Variants in FGF12 observed in about 807,000 individuals in gnomAD.
The protein encoded by FGF12 is fibroblast growth factor 12, also known as fibroblast growth factor 12B.
Under a neutral mutation model 23.6 loss-of-function variants are expected in FGF12, and 14 were observed. That is an observed-to-expected ratio of 0.59 (90% CI 0.39 to 0.93). The LOEUF (loss-of-function observed/expected upper bound fraction) is 0.93. Ranked by LOEUF, FGF12 falls within the 40% of genes least tolerant of loss-of-function variation. The pLI, the probability that FGF12 is intolerant of heterozygous loss-of-function variation, is 0.00. For synonymous variants in FGF12, 62 were observed against 77.3 expected (o/e 0.80, Z 1.04); for missense variants, 175 against 217.8 (o/e 0.80, Z 1.24).
At chr3:192,513,307 A>C (rs1442640969) in intron 2 of FGF12, among the ~76,000 whole-genome samples, 1 of 152,202 alleles carries the variant, frequency 6.6e-6, no homozygotes, top group Non-Finnish European at 1.5e-5. Flanking sequence ...TTTAGTACTT[A>C]CAAATATAAT....
At chr3:192,337,315 G>A (rs1375895370) in intron 3 of FGF12, among the ~76,000 whole-genome samples, 1 of 152,124 alleles carries the variant, frequency 6.6e-6, no homozygotes, top group Non-Finnish European at 1.5e-5. Flanking sequence ...GACACCTAAA[G>A]AAGCGGAAGT....
chr3:192,315,723 T>C (rs1191728210), intron 4 of FGF12, among the ~76,000 whole-genome samples: 1 of 152,176 alleles, frequency 6.6e-6, no homozygotes, highest in Non-Finnish European at 1.5e-5. Flanking sequence ...AAAGCAGAAC[T>C]AATAAAGACA....
At chr3:192,568,129 G>A (rs13099236) in intron 2 of FGF12, among the ~76,000 whole-genome samples, 78,364 of 151,810 alleles carry the variant, frequency 0.52, 20,900 homozygotes, top group South Asian at 0.7. Flanking sequence ...ACCATGCCCC[G>A]CCCTTTGCAT....
chr3:192,244,175 C>G (rs1719767373), intron 4 of FGF12, among the ~76,000 whole-genome samples: 2 of 152,072 alleles, frequency 1.3e-5, no homozygotes. Flanking sequence ...AGCAAACTTA[C>G]AAATATTCTG....
chr3:192,520,193 A>G (rs564349470), intron 2 of FGF12, among the ~76,000 whole-genome samples: 221 of 152,268 alleles, frequency 1.5e-3, no homozygotes, highest in African/African-American at 5.1e-3. Flanking sequence ...TTCTATCGGT[A>G]TATCTTTTTA....
chr3:192,197,946 C>CAAA (rs11328919), intron 4 of FGF12, among the ~76,000 whole-genome samples: 59 of 49,080 alleles, frequency 1.2e-3, no homozygotes, highest in East Asian at 3.2e-3. Context: ...AATTCCTCCT[C>CAAA]AAAAAAAAAA....
chr3:192,425,707 T>C (rs979332612), intron 2 of FGF12, among the ~76,000 whole-genome samples: 6 of 152,216 alleles, frequency 3.9e-5, no homozygotes, highest in African/African-American at 1.4e-4. Context: ...CTGTGGAATT[T>C]GTGCCTCATC....
At chr3:192,502,937 T>C (rs900831899) in intron 2 of FGF12, among the ~76,000 whole-genome samples, 24 of 152,246 alleles carry the variant, frequency 1.6e-4, no homozygotes, top group Non-Finnish European at 3.4e-4. Context: ...TTCTGCACTG[T>C]AATACACTTT....
chr3:192,513,271 G>C (rs1005590264), intron 2 of FGF12, among the ~76,000 whole-genome samples: 1 of 152,064 alleles, frequency 6.6e-6, no homozygotes, highest in Non-Finnish European at 1.5e-5. Context: ...AAGCCACTTC[G>C]TTTAGAATAT....
chr3:192,341,708 A>G (rs116818884), intron 3 of FGF12, among the ~76,000 whole-genome samples: 1,718 of 152,322 alleles, frequency 0.011, 28 homozygotes, highest in African/African-American at 0.039. Context: ...GAAAAACTAA[A>G]TAGATAATAT....
At chr3:192,273,051 G>A (rs1192217943) in intron 4 of FGF12, among the ~76,000 whole-genome samples, 1 of 152,190 alleles carries the variant, frequency 6.6e-6, no homozygotes, top group East Asian at 1.9e-4. Flanking sequence ...AGTGGATAGA[G>A]CCACACTTCC....
At chr3:192,152,742 TCA>T (rs1201286944) in intron 5 of FGF12, among the ~76,000 whole-genome samples, 5 of 112,210 alleles carry the variant, frequency 4.5e-5, no homozygotes, top group African/African-American at 1.4e-4. Context: ...AACTATGTGG[TCA>T]ATTTTGGAAT....
chr3:192,369,223 C>T (rs575590694), intron 2 of FGF12, among the ~76,000 whole-genome samples: 2 of 152,294 alleles, frequency 1.3e-5, no homozygotes, highest in East Asian at 1.9e-4. Flanking sequence ...ATATACCTGG[C>T]ATTTTCCTTT....
At chr3:192,324,053 CCGCATGCCAGCCT>C (rs1325558758) in intron 4 of FGF12, among the ~76,000 whole-genome samples, 1 of 152,078 alleles carries the variant, frequency 6.6e-6, no homozygotes, top group Non-Finnish European at 1.5e-5. Context: ...GATCAAGCCA[CCGCATGCCAGCCT>C]GGGCGACAGA....
intron 2 of FGF12, among the ~76,000 whole-genome samples, chr3:192,575,856 T>C (rs935833821): frequency 3.9e-5 from 6 of 152,196 alleles, no homozygotes; most frequent in African/African-American, 1.2e-4. Context: ...ACTTTATGAA[T>C]AGTTAATACA....
At chr3:192,485,631 A>G (rs1490248062) in intron 2 of FGF12, among the ~76,000 whole-genome samples, 1 of 152,154 alleles carries the variant, frequency 6.6e-6, no homozygotes, top group Admixed American at 6.6e-5. Context: ...TTTTAGTGAT[A>G]TCATTACATT....
intron 2 of FGF12, among the ~76,000 whole-genome samples, chr3:192,422,103 A>G (rs1721550194): frequency 6.6e-6 from 1 of 151,936 alleles, no homozygotes; most frequent in Admixed American, 6.6e-5. Flanking sequence ...GAAATCTTAG[A>G]TAACTGTTGG....
At chr3:192,383,819 T>C (rs886212021) in intron 2 of FGF12, among the ~76,000 whole-genome samples, 2 of 152,096 alleles carry the variant, frequency 1.3e-5, no homozygotes, top group Non-Finnish European at 2.9e-5. Context: ...ATATTTTCAG[T>C]TGGAGGCACC....
At chr3:192,393,434 A>G (rs1346729695) in intron 2 of FGF12, among the ~76,000 whole-genome samples, 1 of 152,054 alleles carries the variant, frequency 6.6e-6, no homozygotes, top group African/African-American at 2.4e-5. Context: ...CCTCTAACTG[A>G]CTGTTATGAC....
Sources: allele counts gnomAD v4.1 joint callset (sites outside exome capture counted in the v4.1 genomes callset), GRCh38; gene constraint gnomAD v4.1.1; transcripts MANE v1.5; gene names NCBI Gene and HGNC (gene_info 2026-07-23, HGNC 2026-07-21).